The following CERKL variants were observed in gnomAD, a reference collection of about 807,000 sequenced individuals.
CERKL encodes CERK like autophagy regulator, also known as ceramide kinase-like protein.
A neutral mutation model predicts 63.4 loss-of-function variants in CERKL; 61 were observed. That is an observed-to-expected ratio of 0.96 (90% CI 0.78 to 1.19). CERKL has a LOEUF of 1.19. Ranked by LOEUF, CERKL falls within the 50% of genes most tolerant of loss-of-function variation. The pLI, the probability that CERKL is intolerant of heterozygous loss-of-function variation, is 0.00. For synonymous variants in CERKL, 250 were observed against 230.5 expected (o/e 1.08, Z -0.77); for missense variants, 675 against 655.5 (o/e 1.03, Z -0.33).
chr2:181,543,384 A>T (rs955590297), intron 11 of CERKL, among the ~76,000 whole-genome samples: 1 of 152,200 alleles, frequency 6.6e-6, no homozygotes, highest in Non-Finnish European at 1.5e-5. Flanking sequence ...GTAGGCTCAC[A>T]ACCTACATTA....
intron 1 of CERKL, among the ~76,000 whole-genome samples, chr2:181,611,720 G>A (rs1685976662): frequency 6.6e-6 from 1 of 152,054 alleles, no homozygotes; most frequent in Admixed American, 6.6e-5. Flanking sequence ...CTAGAAAGAT[G>A]TTCAAAATAG....
intron 2 of CERKL, among the ~76,000 whole-genome samples, chr2:181,596,016 T>A (rs1325048798): frequency 6.6e-6 from 1 of 152,214 alleles, no homozygotes; most frequent in African/African-American, 2.4e-5. Context: ...TTTAACAGCA[T>A]GAAAACAATT....
chr2:181,612,043 A>G (rs1232050795), intron 1 of CERKL, among the ~76,000 whole-genome samples: 1 of 152,228 alleles, frequency 6.6e-6, no homozygotes, highest in African/African-American at 2.4e-5. Context: ...CTTCATTTGT[A>G]TTATCTAATT....
At position 181,548,519 on chromosome 2, in the gene CERKL, C is replaced by G. The variant is rs762897430; in HGVS notation, c.1133+26G>C. The G allele has an allele frequency of 4.1e-6, 6 of 1,480,618 alleles. No homozygotes were observed. In the East Asian group the frequency reaches 1.4e-4, roughly 34 times the overall value. 91.7% of individuals were successfully genotyped at this position (1,480,618 alleles called of 1,614,324 possible). On this transcript the variant is annotated intron_variant, in intron 8 of 12. Transcript: ENST00000410087. Reference sequence around the variant, plus strand: ...TTTATGCTTTAAAGATACAGGTTATCTGTATTACATTGAGTTTTTACCTAC... The same window carrying G: ...TTTATGCTTTAAAGATACAGGTTATGTGTATTACATTGAGTTTTTACCTAC...
chr2:181,544,319 A>G (rs915318305), intron 11 of CERKL, among the ~76,000 whole-genome samples: 3 of 152,234 alleles, frequency 2.0e-5, no homozygotes, highest in African/African-American at 4.8e-5. Context: ...TCTAAAGATC[A>G]TAACTTTAGA....
intron 1 of CERKL, among the ~76,000 whole-genome samples, chr2:181,616,070 T>G (rs991498199): frequency 1.3e-5 from 2 of 152,104 alleles, no homozygotes; most frequent in African/African-American, 4.8e-5. Flanking sequence ...AATTTCCAAC[T>G]GCAATTTTTT....
chr2:181,570,785 T>C (rs1471173603), intron 3 of CERKL, among the ~76,000 whole-genome samples: 1 of 152,200 alleles, frequency 6.6e-6, no homozygotes, highest in Non-Finnish European at 1.5e-5. Context: ...TACCTTATAG[T>C]GTATATATCT....
chr2:181,647,523 C>A (rs1213813804), intron 1 of CERKL, among the ~76,000 whole-genome samples: 1 of 152,152 alleles, frequency 6.6e-6, no homozygotes, highest in Non-Finnish European at 1.5e-5. Flanking sequence ...AAGATTACAG[C>A]TGACGAAACT....
intron 1 of CERKL, among the ~76,000 whole-genome samples, chr2:181,627,755 C>T (rs1412741780): frequency 6.6e-6 from 1 of 152,042 alleles, no homozygotes; most frequent in Non-Finnish European, 1.5e-5. Context: ...ATTCCCACAC[C>T]CCATGGCTGT....
intron 1 of CERKL, among the ~76,000 whole-genome samples, chr2:181,607,985 A>C (rs984924209): frequency 6.6e-6 from 1 of 151,966 alleles, no homozygotes; most frequent in African/African-American, 2.4e-5. Context: ...ATGAAACTGA[A>C]TATCTTTTCA....
chr2:181,570,041 TA>T (rs913702207), intron 3 of CERKL, among the ~76,000 whole-genome samples: 3 of 152,160 alleles, frequency 2.0e-5, no homozygotes, highest in Non-Finnish European at 2.9e-5. Context: ...AAGTATGAAA[TA>T]TTTTTTTCAT....
At chr2:181,559,150 T>C (rs1241546510) in intron 4 of CERKL, among the ~76,000 whole-genome samples, 1 of 152,110 alleles carries the variant, frequency 6.6e-6, no homozygotes, top group African/African-American at 2.4e-5. Context: ...AAAAATCATA[T>C]AAAATATGAA....
chr2:181,609,632 G>A (rs539645320), intron 1 of CERKL, among the ~76,000 whole-genome samples: 1 of 151,360 alleles, frequency 6.6e-6, no homozygotes, highest in East Asian at 1.9e-4. Context: ...CTTGAACCCA[G>A]GAGGCGGAGG....
intron 1 of CERKL, among the ~76,000 whole-genome samples, chr2:181,637,631 T>C (rs535606759): frequency 2.0e-5 from 3 of 152,230 alleles, no homozygotes; most frequent in Non-Finnish European, 2.9e-5. Flanking sequence ...TAAGCTTTCC[T>C]ACCTACAGGA....
intron 1 of CERKL, among the ~76,000 whole-genome samples, chr2:181,653,493 T>C (rs775735322): frequency 6.6e-6 from 1 of 152,102 alleles, no homozygotes; most frequent in African/African-American, 2.4e-5. Flanking sequence ...ATGGCCAAGA[T>C]ATGGAATCAA....
chr2:181,641,762 A>T (rs748317888), intron 1 of CERKL, among the ~76,000 whole-genome samples: 1 of 152,204 alleles, frequency 6.6e-6, no homozygotes, highest in Non-Finnish European at 1.5e-5. Context: ...ATTAATAAAA[A>T]TTAAATATAA....
At chr2:181,624,510 G>T (rs949878958) in intron 1 of CERKL, among the ~76,000 whole-genome samples, 8 of 152,168 alleles carry the variant, frequency 5.3e-5, no homozygotes, top group African/African-American at 1.9e-4. Flanking sequence ...TCCAGCCAAG[G>T]CGAAAGTAAG....
At chr2:181,594,291 T>G (rs1685108640) in intron 2 of CERKL, among the ~76,000 whole-genome samples, 1 of 152,206 alleles carries the variant, frequency 6.6e-6, no homozygotes, top group Non-Finnish European at 1.5e-5. Flanking sequence ...GAGCCCACAG[T>G]TAGCATTAAG....
chr2:181,576,527 C>G (rs996568611), intron 2 of CERKL, among the ~76,000 whole-genome samples: 2 of 152,202 alleles, frequency 1.3e-5, no homozygotes, highest in African/African-American at 4.8e-5. Flanking sequence ...GTCAGATCAC[C>G]CTCGAGCCTT....
Sources: gnomAD v4.1 joint callset for allele counts (sites outside exome capture counted in the v4.1 genomes callset) on GRCh38, gnomAD v4.1.1 for gene constraint, MANE v1.5 for transcripts, NCBI Gene and HGNC (gene_info 2026-07-23, HGNC 2026-07-21) for gene names.